The following LIN52 variants were observed in gnomAD, a reference collection of about 807,000 sequenced individuals.
The protein encoded by LIN52 is protein lin-52 homolog.
LIN52 carries 4 observed loss-of-function variants against 18.5 expected under a neutral mutation model. The observed-to-expected ratio is 0.22, with a 90% CI of 0.11 to 0.49. The LOEUF is 0.49. LIN52 is among the 20% of genes least tolerant of loss of function. LIN52 has a pLI of 0.97. For synonymous variants in LIN52, 34 were observed against 45.5 expected, an observed-to-expected ratio of 0.75 and a Z score of 1.02; for missense variants, 102 against 139.5, an observed-to-expected ratio of 0.73 and a Z score of 1.35.
intron 5 of LIN52, among the ~76,000 whole-genome samples, chr14:74,140,553 G>A (rs1469380338): frequency 6.6e-6 from 1 of 152,198 alleles, no homozygotes; most frequent in Non-Finnish European, 1.5e-5. Context: ...CTCCAGTGCA[G>A]GAAGTACTGA....
intron 5 of LIN52, among the ~76,000 whole-genome samples, chr14:74,161,295 C>T (rs78082626): frequency 0.17 from 26,256 of 152,050 alleles, 2,768 homozygotes; most frequent in East Asian, 0.58. Context: ...AAGCGATTCT[C>T]CTGCCTCAAC....
chr14:74,092,278 A>T (rs1231797413), intron 2 of LIN52, among the ~76,000 whole-genome samples: 2 of 136,590 alleles, frequency 1.5e-5, no homozygotes, highest in African/African-American at 5.6e-5. Flanking sequence ...AGCCAACAAT[A>T]ATTATTATTA....
chr14:74,101,062 G>T, intron 4 of LIN52, 93 bp from the exon 5 acceptor site: 2 of 965,246 alleles, frequency 2.1e-6, no homozygotes, highest in Admixed American at 4.4e-5. Flanking sequence ...AATTAAGCTT[G>T]AAAACTTGTA....
chr14:74,174,036 G>A (rs1446680046), intron 5 of LIN52, among the ~76,000 whole-genome samples: 1 of 152,128 alleles, frequency 6.6e-6, no homozygotes, highest in East Asian at 1.9e-4. Context: ...TTTCTATCAG[G>A]GGTTTGACTT....
chr14:74,196,571 T>G (rs923655080), intron 5 of LIN52, among the ~76,000 whole-genome samples: 1 of 152,162 alleles, frequency 6.6e-6, no homozygotes, highest in African/African-American at 2.4e-5. Flanking sequence ...AGATAACCCA[T>G]CTAGTAGAAA....
At position 74,137,496 on chromosome 14, in the gene LIN52, C is replaced by CTTTTTTTTT. The variant is rs1409995305; in HGVS notation, c.283+36259_283+36260insTTTTTTTTT. Among the ~76,000 whole-genome samples the CTTTTTTTTT allele has an allele frequency of 1.0e-3, 86 of 85,510 alleles. 5 individuals are homozygous for CTTTTTTTTT. The highest frequency in any genetic ancestry group is 4.2e-3 in the African/African-American group (82 of 19,444). The allele number at this position is 85,510 out of a possible 152,430, so 56.1% of individuals were successfully genotyped here. A position where few individuals can be genotyped will look rare whatever the true frequency, so the allele number is the denominator to read the frequency against. On this transcript the variant is annotated intron_variant, in intron 5 of 5. Coordinates refer to ENST00000555028, the MANE Select transcript of LIN52 (RefSeq NM_001024674.3). ...GAGCACTAAATTCTTCACAGCAGCT[C>CTTTTTTTTT]TCTTTTTTTTTTTTTTTTTTGAGAT...
intron 5 of LIN52, among the ~76,000 whole-genome samples, chr14:74,132,649 C>T (rs2061074990): frequency 6.6e-6 from 1 of 152,272 alleles, no homozygotes; most frequent in South Asian, 2.1e-4. Flanking sequence ...GCTAGGACTA[C>T]AGGCATGCGC....
chr14:74,191,936 CTAAA>C, intron 5 of LIN52, among the ~76,000 whole-genome samples: 1 of 152,026 alleles, frequency 6.6e-6, no homozygotes, highest in Non-Finnish European at 1.5e-5. Context: ...CGCCCGGCCA[CTAAA>C]CTGGGATTTT....
At chr14:74,150,776 C>G (rs2061173581) in intron 5 of LIN52, among the ~76,000 whole-genome samples, 1 of 152,054 alleles carries the variant, frequency 6.6e-6, no homozygotes, top group African/African-American at 2.4e-5. Flanking sequence ...GCACTTAAAG[C>G]CTTTCTGGTT....
chr14:74,108,476 G>A (rs1202914479), intron 5 of LIN52, among the ~76,000 whole-genome samples: 1 of 152,168 alleles, frequency 6.6e-6, no homozygotes, highest in African/African-American at 2.4e-5. Flanking sequence ...CAAACTAGCT[G>A]AACCATTTTG....
At chr14:74,111,293 C>T (rs978674623) in intron 5 of LIN52, among the ~76,000 whole-genome samples, 1 of 151,902 alleles carries the variant, frequency 6.6e-6, no homozygotes, top group African/African-American at 2.4e-5. Context: ...GTGATTCTTA[C>T]ACCTTTTTGT....
chr14:74,136,549 G>A (rs751649084), intron 5 of LIN52, among the ~76,000 whole-genome samples: 3 of 152,158 alleles, frequency 2.0e-5, no homozygotes, highest in Non-Finnish European at 4.4e-5. Context: ...ATCCATTTCT[G>A]CTGCTGTCAG....
intron 5 of LIN52, among the ~76,000 whole-genome samples, chr14:74,110,965 CAAA>C (rs1242695199): frequency 8.7e-6 from 1 of 114,788 alleles, no homozygotes. Flanking sequence ...GACTCCGTCT[CAAA>C]AAAAAAAAAA....
At chr14:74,095,119 A>G (rs982431096) in intron 2 of LIN52, among the ~76,000 whole-genome samples, 5 of 145,776 alleles carry the variant, frequency 3.4e-5, no homozygotes, top group African/African-American at 7.7e-5. Context: ...AGCTAGGACT[A>G]TAGGTGTGCA....
chr14:74,192,392 T>C (rs1316147854), intron 5 of LIN52, among the ~76,000 whole-genome samples: 1 of 152,144 alleles, frequency 6.6e-6, no homozygotes, highest in East Asian at 1.9e-4. Flanking sequence ...TTCAAGCGAT[T>C]CTCCTGCCTC....
intron 4 of LIN52, among the ~76,000 whole-genome samples, chr14:74,099,586 T>TGTG (rs2060839187): frequency 1.1e-4 from 17 of 149,348 alleles, no homozygotes; most frequent in African/African-American, 2.9e-4. Context: ...AGTATTGTCT[T>TGTG]TGTGTGTGTG....
intron 5 of LIN52, among the ~76,000 whole-genome samples, chr14:74,129,351 A>G (rs2061047593): frequency 6.6e-6 from 1 of 152,174 alleles, no homozygotes; most frequent in African/African-American, 2.4e-5. Context: ...GGCGCAGGTG[A>G]ATCAAATATA....
intron 5 of LIN52, among the ~76,000 whole-genome samples, chr14:74,155,662 TC>T (rs996382304): frequency 1.4e-4 from 22 of 152,188 alleles, no homozygotes; most frequent in African/African-American, 5.1e-4. Flanking sequence ...CTTAGCTAGA[TC>T]CCCAGGCAAA....
intron 5 of LIN52, among the ~76,000 whole-genome samples, chr14:74,197,664 C>T (rs2078922526): frequency 6.6e-6 from 1 of 152,132 alleles, no homozygotes. Context: ...GGCTTCTATG[C>T]CTAGTTAATG....
Sources: gnomAD v4.1 joint callset for allele counts (sites outside exome capture counted in the v4.1 genomes callset) on GRCh38, gnomAD v4.1.1 for gene constraint, MANE v1.5 for transcripts, NCBI Gene and HGNC (gene_info 2026-07-23, HGNC 2026-07-21) for gene names.